TBC1D22A: variants seen among roughly 807,000 people sequenced by gnomAD.
TBC1D22A encodes putative GTPase activator.
A neutral mutation model predicts 60.2 loss-of-function variants in TBC1D22A; 38 were observed. The observed-to-expected ratio is 0.63, with a 90% confidence interval of 0.49 to 0.83. TBC1D22A has a LOEUF of 0.83. TBC1D22A is among the 40% of genes least tolerant of loss of function. The pLI is 0.00. For missense variants in TBC1D22A, 628 were observed against 701.0 expected (o/e 0.90, Z 1.18); for synonymous variants, 302 against 281.7 (o/e 1.07, Z -0.72).
chr22:47,144,926 TC>T (rs1334106600), intron 12 of TBC1D22A, among the ~76,000 whole-genome samples: 3 of 152,124 alleles, frequency 2.0e-5, no homozygotes, highest in African/African-American at 7.2e-5. Context: ...CTGGCTGAGA[TC>T]CTGGGTCTTG....
At chr22:47,038,586 C>T (rs1015371951) in intron 11 of TBC1D22A, among the ~76,000 whole-genome samples, 6 of 152,200 alleles carry the variant, frequency 3.9e-5, no homozygotes, top group Non-Finnish European at 2.9e-5. Flanking sequence ...TCATTCTGAG[C>T]CTGTTTTTGT....
intron 11 of TBC1D22A, among the ~76,000 whole-genome samples, chr22:47,076,361 G>GTGTATATATA (rs1392245000): frequency 3.6e-4 from 37 of 101,914 alleles, no homozygotes; most frequent in Non-Finnish European, 4.5e-4. Context: ...ATATGTGTGT[G>GTGTATATATA]TATATATATA....
At chr22:47,105,769 C>T (rs2147696157) in intron 11 of TBC1D22A, among the ~76,000 whole-genome samples, 1 of 152,234 alleles carries the variant, frequency 6.6e-6, no homozygotes, top group East Asian at 1.9e-4. Context: ...CCCCACTCCC[C>T]AAAGAAAAGC....
chr22:46,959,387 C>T (rs2073376158), intron 8 of TBC1D22A, among the ~76,000 whole-genome samples: 1 of 152,172 alleles, frequency 6.6e-6, no homozygotes, highest in Non-Finnish European at 1.5e-5. Flanking sequence ...GTTGGCGGGG[C>T]CAGGTGCAGG....
chr22:47,144,601 C>G (rs577012590), intron 12 of TBC1D22A, among the ~76,000 whole-genome samples: 19 of 152,258 alleles, frequency 1.2e-4, no homozygotes, highest in Non-Finnish European at 2.2e-4. Context: ...CAGGGGCTCT[C>G]CAGAGTCAGT....
chr22:46,834,579 C>T (rs553205462), intron 4 of TBC1D22A, among the ~76,000 whole-genome samples: 7 of 152,322 alleles, frequency 4.6e-5, no homozygotes, highest in African/African-American at 1.7e-4. Flanking sequence ...ACTCCTTTCT[C>T]ATCCCTTTCA....
At chr22:47,104,906 G>A (rs964224967) in intron 11 of TBC1D22A, among the ~76,000 whole-genome samples, 10 of 151,306 alleles carry the variant, frequency 6.6e-5, no homozygotes, top group African/African-American at 2.4e-4. Flanking sequence ...ACAACCCCCC[G>A]ACCGTTGCTG....
At chr22:46,909,995 A>G (rs1338655837) in intron 7 of TBC1D22A, among the ~76,000 whole-genome samples, 4 of 152,252 alleles carry the variant, frequency 2.6e-5, no homozygotes, top group African/African-American at 9.6e-5. Context: ...GCTAAATAGC[A>G]TTCGCATCAT....
chr22:46,995,836 T>C (rs997500330), intron 9 of TBC1D22A, among the ~76,000 whole-genome samples: 1 of 152,158 alleles, frequency 6.6e-6, no homozygotes, highest in Non-Finnish European at 1.5e-5. Flanking sequence ...GGAACCTCTC[T>C]GTACTGGAGG....
intron 1 of TBC1D22A, chr22:46,774,271 C>G (rs2083607695): frequency 4.1e-6 from 4 of 985,492 alleles, no homozygotes; most frequent in Non-Finnish European, 4.8e-6. Flanking sequence ...CTGGTGTTCT[C>G]TTTGCAGACA....
At chr22:46,886,684 T>C (rs1401952913) in intron 5 of TBC1D22A, among the ~76,000 whole-genome samples, 1 of 152,172 alleles carries the variant, frequency 6.6e-6, no homozygotes, top group African/African-American at 2.4e-5. Context: ...AAAGGTGACA[T>C]AGAAATGCGT....
chr22:46,814,384 T>C (rs1053158532), intron 4 of TBC1D22A, among the ~76,000 whole-genome samples: 5 of 152,310 alleles, frequency 3.3e-5, no homozygotes, highest in Non-Finnish European at 7.4e-5. Context: ...TTCCAAGATT[T>C]TGACGTCACA....
At chr22:46,877,189 A>G (rs1215028114) in intron 4 of TBC1D22A, among the ~76,000 whole-genome samples, 1 of 152,252 alleles carries the variant, frequency 6.6e-6, no homozygotes, top group African/African-American at 2.4e-5. Flanking sequence ...GCTCTTTCAT[A>G]TACAATAGTG....
intron 8 of TBC1D22A, among the ~76,000 whole-genome samples, chr22:46,939,271 G>T (rs1307327495): frequency 6.6e-6 from 1 of 152,178 alleles, no homozygotes; most frequent in African/African-American, 2.4e-5. Flanking sequence ...TCATATCAGC[G>T]AATTCGCAGA....
At position 46,793,600 on chromosome 22, in the gene TBC1D22A, C is replaced by T. The variant is rs1180900561; in HGVS notation, c.219C>T (p.Asp73=). 29 of 1,613,832 alleles carry T rather than the reference C, an allele frequency of 1.8e-5. No individual in the cohort carries two copies. The highest frequency in any genetic ancestry group is 8.3e-5 in the Admixed American group (5 of 60,008). ...AGAGCAATACCAGCGATGCCTGGGA[C>T]GCTGGGGAGGACGACGATGAGCTCC... ...EFESNTSDAW[D]AGEDDDELLA... is the part of the protein sequence containing the mutation. Residue 73 remains aspartate (D), a synonymous_variant, in exon 3 of 13, where the codon GAC becomes GAT. Transcript: ENST00000337137.
intron 8 of TBC1D22A, among the ~76,000 whole-genome samples, chr22:46,936,043 A>G (rs1033349253): frequency 6.6e-6 from 1 of 152,242 alleles, no homozygotes; most frequent in Non-Finnish European, 1.5e-5. Flanking sequence ...TGTCCTCATC[A>G]GCTTTTGAGT....
intron 10 of TBC1D22A, among the ~76,000 whole-genome samples, chr22:47,031,819 A>G (rs571570201): frequency 6.6e-6 from 1 of 152,066 alleles, no homozygotes; most frequent in Non-Finnish European, 1.5e-5. Flanking sequence ...TTAGCCGGCC[A>G]TTGCACTCTG....
chr22:46,814,229 A>G (rs1238228430), intron 4 of TBC1D22A, among the ~76,000 whole-genome samples: 1 of 152,246 alleles, frequency 6.6e-6, no homozygotes. Context: ...ATCTAATGCT[A>G]TGTGCCAGGT....
chr22:47,121,349 A>G (rs1033236039), intron 12 of TBC1D22A, among the ~76,000 whole-genome samples: 7 of 152,216 alleles, frequency 4.6e-5, no homozygotes, highest in African/African-American at 1.2e-4. Context: ...TCCTCGATCC[A>G]GTAATTCTCC....
Sources: allele counts gnomAD v4.1 joint callset (sites outside exome capture counted in the v4.1 genomes callset), GRCh38; gene constraint gnomAD v4.1.1; transcripts MANE v1.5; gene names NCBI Gene and HGNC (gene_info 2026-07-23, HGNC 2026-07-21).